Variants in NALCN observed in about 807,000 individuals in gnomAD.
The protein encoded by NALCN is sodium leak channel NALCN.
In NALCN, 111 loss-of-function variants were observed where a neutral mutation model predicts 225.3. The observed-to-expected ratio is 0.49, with a 90% CI of 0.42 to 0.58. The LOEUF is 0.58. NALCN is among the 20% of genes least tolerant of loss of function. The probability of loss-of-function intolerance (pLI) is 0.00; values close to 1 mark genes in which losing one functional copy is unlikely to be tolerated. For missense variants in NALCN, 1,378 were observed against 2,202.4 expected, an observed-to-expected ratio of 0.63 and a Z score of 7.49; for synonymous variants, 764 against 769.0, an observed-to-expected ratio of 0.99 and a Z score of 0.11.
At chr13:101,357,829 A>G (rs543619845) in intron 6 of NALCN, among the ~76,000 whole-genome samples, 2 of 152,328 alleles carry the variant, frequency 1.3e-5, no homozygotes, top group South Asian at 4.1e-4. Context: ...CACTGGTACC[A>G]AAACAGCCAT....
At chr13:101,171,343 T>C (rs2038707617) in intron 15 of NALCN, among the ~76,000 whole-genome samples, 1 of 149,098 alleles carries the variant, frequency 6.7e-6, no homozygotes, top group African/African-American at 2.4e-5. Context: ...ATATATGTAA[T>C]ACAAAATTAT....
intron 22 of NALCN, 129 bp downstream of exon 22, chr13:101,107,358 A>C: frequency 6.8e-7 from 1 of 1,471,032 alleles, no homozygotes; most frequent in Non-Finnish European, 9.2e-7. Flanking sequence ...GAGGAGCAGC[A>C]TGATTAATTA....
At chr13:101,260,558 C>G (rs1421303897) in intron 10 of NALCN, among the ~76,000 whole-genome samples, 1 of 152,174 alleles carries the variant, frequency 6.6e-6, no homozygotes, top group Admixed American at 6.5e-5. Context: ...TGAATATAAA[C>G]CATTTTAACT....
At chr13:101,330,503 A>G (rs191451332) in intron 7 of NALCN, among the ~76,000 whole-genome samples, 4 of 152,330 alleles carry the variant, frequency 2.6e-5, no homozygotes, top group African/African-American at 9.6e-5. Context: ...CTCAGAAAAA[A>G]GCAGAATGTT....
rs1278371508 is a variant in NALCN at position 101,415,206 on chromosome 13, C to CATATATATATAT, written c.-40+1106_-40+1107insATATATATATAT. 2.6e-3 allele frequency among the ~76,000 whole-genome samples: 273 copies of CATATATATATAT among 104,796 alleles called. 11 individuals are homozygous for CATATATATATAT. Among genetic ancestry groups the CATATATATATAT allele is most frequent in the Non-Finnish European group, 3.3e-3 (180 of 55,326 alleles). 68.8% of individuals were successfully genotyped at this position (104,796 alleles called of 152,430 possible). A position where few individuals can be genotyped will look rare whatever the true frequency, so the allele number is the denominator to read the frequency against. On this transcript the variant is annotated intron_variant, in intron 1 of 43. Coordinates refer to ENST00000251127, the MANE Select transcript of NALCN (RefSeq NM_052867.4). The stretch of plus-strand genomic sequence containing the variant: ...TGTAGTTATGAACATACAAATCACA[C>CATATATATATAT]ACATATATATATATATATACATACA...
chr13:101,179,497 C>T (rs1250328086), intron 14 of NALCN, among the ~76,000 whole-genome samples: 7 of 152,174 alleles, frequency 4.6e-5, no homozygotes, highest in Admixed American at 4.6e-4. Flanking sequence ...CATTATCTTG[C>T]TACATCAGTT....
intron 13 of NALCN, among the ~76,000 whole-genome samples, chr13:101,227,585 T>C (rs1435187195): frequency 2.0e-5 from 3 of 152,132 alleles, no homozygotes; most frequent in Non-Finnish European, 2.9e-5. Flanking sequence ...AAATGCTATG[T>C]AAATTGCATG....
At chr13:101,254,706 A>T (rs1172104093) in intron 11 of NALCN, among the ~76,000 whole-genome samples, 2 of 122,898 alleles carry the variant, frequency 1.6e-5, no homozygotes, top group Admixed American at 1.6e-4. Context: ...CCCGGCTAAA[A>T]CGGTGAAACC....
chr13:101,070,334 A>G (rs905274962), intron 37 of NALCN, among the ~76,000 whole-genome samples: 2 of 152,108 alleles, frequency 1.3e-5, no homozygotes, highest in Non-Finnish European at 2.9e-5. Context: ...CCAAAGTGCT[A>G]GGATTACAGG....
intron 1 of NALCN, among the ~76,000 whole-genome samples, chr13:101,402,471 G>A (rs181318583): frequency 2.0e-5 from 3 of 152,136 alleles, no homozygotes; most frequent in Admixed American, 1.3e-4. Flanking sequence ...TTCCAGCCCC[G>A]TCTTCACAGT....
intron 22 of NALCN, 145 bp from the exon 23 acceptor site, chr13:101,105,095 G>T: frequency 3.2e-6 from 2 of 629,998 alleles, no homozygotes; most frequent in East Asian, 2.7e-5. Flanking sequence ...TTAACTGTAG[G>T]TAACTCTGGA....
At chr13:101,309,705 A>C (rs562630444) in intron 7 of NALCN, among the ~76,000 whole-genome samples, 1 of 152,304 alleles carries the variant, frequency 6.6e-6, no homozygotes, top group South Asian at 2.1e-4. Context: ...GCCATTGTTG[A>C]CTTTGTATTC....
chr13:101,375,641 G>T (rs1209508759), intron 6 of NALCN, among the ~76,000 whole-genome samples: 1 of 152,158 alleles, frequency 6.6e-6, no homozygotes, highest in East Asian at 1.9e-4. Flanking sequence ...ATTTTACAAA[G>T]TGCTTTAAAT....
In NALCN at chr13:101,273,900, A is replaced by G. The variant is rs1286382557; in HGVS notation, c.1134+10033T>C. Among the ~76,000 whole-genome samples, 6 of 151,338 alleles carry G rather than the reference A, an allele frequency of 4.0e-5. No individual in the cohort carries two copies. The South Asian group carries it at 1.0e-3, about 26-fold the overall frequency. Reference sequence around the variant, plus strand: ...ACTCCATCTCAAAAAAAAAAAAAAAAAAAAAAAGAAAATGTGTGGCCCTTG... The same window carrying G: ...ACTCCATCTCAAAAAAAAAAAAAAAGAAAAAAAGAAAATGTGTGGCCCTTG... On this transcript the variant is annotated intron_variant, in intron 10 of 43. Coordinates refer to ENST00000251127, the MANE Select transcript of NALCN (RefSeq NM_052867.4).
chr13:101,186,321 T>C (rs1046919073), intron 14 of NALCN, among the ~76,000 whole-genome samples: 3 of 152,212 alleles, frequency 2.0e-5, no homozygotes, highest in African/African-American at 7.2e-5. Context: ...AATTTCCAAT[T>C]ATTTGTAGCC....
chr13:101,400,602 C>G (rs2047448808), intron 1 of NALCN, among the ~76,000 whole-genome samples: 1 of 150,862 alleles, frequency 6.6e-6, no homozygotes, highest in South Asian at 2.1e-4. Flanking sequence ...CGCGCGCACA[C>G]AGATGCAGTT....
intron 7 of NALCN, among the ~76,000 whole-genome samples, chr13:101,335,059 A>C (rs2139254069): frequency 6.6e-6 from 1 of 152,320 alleles, no homozygotes; most frequent in South Asian, 2.1e-4. Flanking sequence ...TTTCCAATGA[A>C]CACTGTCTTC....
intron 13 of NALCN, among the ~76,000 whole-genome samples, chr13:101,193,351 C>T (rs1367065875): frequency 1.3e-5 from 2 of 152,098 alleles, no homozygotes; most frequent in Admixed American, 6.5e-5. Flanking sequence ...GAGAAGCGAC[C>T]TAACTGTAAT....
At chr13:101,351,539 C>T (rs2045908203) in intron 6 of NALCN, among the ~76,000 whole-genome samples, 1 of 152,124 alleles carries the variant, frequency 6.6e-6, no homozygotes, top group Admixed American at 6.6e-5. Context: ...TTAAGTTATT[C>T]ACCACTCCTA....
Sources: gnomAD v4.1 joint callset for allele counts (sites outside exome capture counted in the v4.1 genomes callset) on GRCh38, gnomAD v4.1.1 for gene constraint, MANE v1.5 for transcripts, NCBI Gene and HGNC (gene_info 2026-07-23, HGNC 2026-07-21) for gene names.